PCNX1: variants seen among roughly 807,000 people sequenced by gnomAD.
PCNX1 encodes pecanex 1.
PCNX1 carries 78 observed loss-of-function variants against 242.2 expected under a neutral mutation model. The ratio of observed to expected loss-of-function variants is 0.32; its 90% CI spans 0.27 to 0.39. PCNX1 has a LOEUF of 0.39. Ranked by LOEUF, PCNX1 falls within the 10% of genes least tolerant of loss-of-function variation. The pLI is 1.00. For missense variants in PCNX1, 2,581 were observed against 2,856.5 expected (o/e 0.90, Z 2.20); for synonymous variants, 1,024 against 1,032.9 (o/e 0.99, Z 0.17).
At chr14:71,069,874 T>A (rs192847155) in intron 26 of PCNX1, among the ~76,000 whole-genome samples, 5 of 152,298 alleles carry the variant, frequency 3.3e-5, no homozygotes, top group Admixed American at 3.3e-4. Context: ...ACAATGAAGT[T>A]TGCTACATTT....
intron 6 of PCNX1, among the ~76,000 whole-genome samples, chr14:70,988,080 A>G (rs557159704): frequency 6.6e-6 from 1 of 152,348 alleles, no homozygotes; most frequent in South Asian, 2.1e-4. Flanking sequence ...GGGTACTGTG[A>G]GATAAACTTA....
At chr14:71,016,941 A>G (rs570558535) in intron 11 of PCNX1, among the ~76,000 whole-genome samples, 2 of 152,342 alleles carry the variant, frequency 1.3e-5, no homozygotes, top group South Asian at 4.1e-4. Flanking sequence ...CATCAGTTGT[A>G]TCAATTGATA....
intron 1 of PCNX1, among the ~76,000 whole-genome samples, chr14:70,934,796 G>C (rs539409539): frequency 6.6e-6 from 1 of 152,278 alleles, no homozygotes; most frequent in African/African-American, 2.4e-5. Flanking sequence ...TTGTTTAATA[G>C]ATAGAGGGTT....
chr14:70,911,374 T>C (rs2055899886), intron 1 of PCNX1, among the ~76,000 whole-genome samples: 1 of 151,830 alleles, frequency 6.6e-6, no homozygotes. Flanking sequence ...TTTTGGTGTT[T>C]ATTTAGGAGC....
intron 25 of PCNX1, among the ~76,000 whole-genome samples, chr14:71,057,245 C>A (rs1440133585): frequency 6.6e-6 from 1 of 152,134 alleles, no homozygotes; most frequent in East Asian, 1.9e-4. Context: ...GTCAAAAAGT[C>A]CTTAGATTGC....
chr14:70,983,234 T>C (rs2058893883), intron 6 of PCNX1, among the ~76,000 whole-genome samples: 1 of 152,222 alleles, frequency 6.6e-6, no homozygotes, highest in Admixed American at 6.5e-5. Flanking sequence ...AAGCTATATT[T>C]GTTTGGCTGG....
intron 11 of PCNX1, among the ~76,000 whole-genome samples, chr14:71,014,023 C>G (rs1307355622): frequency 6.6e-6 from 1 of 152,168 alleles, no homozygotes; most frequent in African/African-American, 2.4e-5. Flanking sequence ...TGTGAGGAAA[C>G]TATTTGAGGC....
At chr14:70,914,327 C>T (rs1460331926) in intron 1 of PCNX1, among the ~76,000 whole-genome samples, 2 of 76,132 alleles carry the variant, frequency 2.6e-5, no homozygotes, top group African/African-American at 9.3e-5. Flanking sequence ...CTTGCTGAAT[C>T]TAAAGGAAAA....
intron 3 of PCNX1, among the ~76,000 whole-genome samples, chr14:70,962,535 A>G (rs575596929): frequency 2.0e-5 from 3 of 152,222 alleles, no homozygotes; most frequent in Non-Finnish European, 2.9e-5. Flanking sequence ...GCATTACCAC[A>G]GACTCATCTT....
At chr14:70,926,452 T>C (rs1045427620) in intron 1 of PCNX1, among the ~76,000 whole-genome samples, 2 of 152,200 alleles carry the variant, frequency 1.3e-5, no homozygotes, top group Non-Finnish European at 2.9e-5. Context: ...CTTATGAATA[T>C]GTAAATAGCA....
Position 71,049,415 on chromosome 14 carries a change from A to AG in PCNX1, c.4339-1235dup, listed in dbSNP as rs145960253. ...TTTTTTACATTAAGATATCATTGTA[A>AG]GGTACATCATGGATTTAATAACCTT... On this transcript the variant is annotated intron_variant, in intron 22 of 35. Coordinates refer to ENST00000304743, the MANE Select transcript of PCNX1 (RefSeq NM_014982.3). 9.0e-3 allele frequency among the ~76,000 whole-genome samples: 1,364 copies of AG among 152,262 alleles called. 10 individuals carry two copies. The highest frequency in any genetic ancestry group is 0.012 in the Non-Finnish European group (842 of 67,986).
chr14:70,941,346 A>C (rs2057232970), intron 1 of PCNX1, among the ~76,000 whole-genome samples: 1 of 152,064 alleles, frequency 6.6e-6, no homozygotes, highest in African/African-American at 2.4e-5. Flanking sequence ...TTTTCCTTCT[A>C]ACAGTCAGGA....
chr14:70,907,657 TCTC>T lies in PCNX1; in HGVS notation c.-184_-182del, dbSNP rs904162659. Reference sequence around the variant, plus strand: ...CCGCTCGCCGCCTCCTCCTCTCGGGTCTCCTCCTCCTCGTTTGCTGCCTCCTCC... The same window carrying T: ...CCGCTCGCCGCCTCCTCCTCTCGGGTCTCCTCCTCGTTTGCTGCCTCCTCC... On this transcript the variant is annotated 5_prime_UTR_variant, in exon 1 of 36. Transcript: ENST00000304743. 9.0e-5 allele frequency: 42 copies of T among 469,272 alleles called. No individual in the cohort carries two copies. Among genetic ancestry groups the T allele is most frequent in the Admixed American group, 3.8e-4 (7 of 18,616 alleles). The allele number at this position is 469,272 out of a possible 1,614,324, so 29.1% of individuals were successfully genotyped here.
intron 8 of PCNX1, among the ~76,000 whole-genome samples, chr14:71,002,981 A>T (rs2059547611): frequency 6.6e-6 from 1 of 151,444 alleles, no homozygotes; most frequent in Admixed American, 6.6e-5. Context: ...GATAGTAAGC[A>T]TCTTTTGATG....
chr14:70,942,641 G>A (rs1441880731), intron 1 of PCNX1, among the ~76,000 whole-genome samples: 1 of 152,176 alleles, frequency 6.6e-6, no homozygotes, highest in Admixed American at 6.5e-5. Flanking sequence ...ATGAGGCAAG[G>A]CATGTGGGAA....
At chr14:71,059,142 T>A (rs1186898502) in intron 26 of PCNX1, among the ~76,000 whole-genome samples, 1 of 152,170 alleles carries the variant, frequency 6.6e-6, no homozygotes, top group Non-Finnish European at 1.5e-5. Context: ...GGGGGGTGGT[T>A]CTTCTTACCA....
intron 1 of PCNX1, among the ~76,000 whole-genome samples, chr14:70,926,884 T>G (rs2056614466): frequency 6.6e-6 from 1 of 152,130 alleles, no homozygotes; most frequent in Non-Finnish European, 1.5e-5. Flanking sequence ...AAAGGCTACT[T>G]AGGAGGACAA....
intron 28 of PCNX1, among the ~76,000 whole-genome samples, chr14:71,080,806 A>G (rs2061835355): frequency 6.6e-6 from 1 of 152,174 alleles, no homozygotes; most frequent in Non-Finnish European, 1.5e-5. Flanking sequence ...CAGTCATGTC[A>G]TCTGGAAACA....
At chr14:71,043,579 ATTCT>A (rs149118784) in intron 19 of PCNX1, among the ~76,000 whole-genome samples, 4,492 of 150,978 alleles carry the variant, frequency 0.03, 85 homozygotes, top group Middle Eastern at 0.085. Context: ...AAGTTGAGAA[ATTCT>A]TTCTTCTGCT....
Sources: allele counts gnomAD v4.1 joint callset (sites outside exome capture counted in the v4.1 genomes callset), GRCh38; gene constraint gnomAD v4.1.1; transcripts MANE v1.5; gene names NCBI Gene and HGNC (gene_info 2026-07-23, HGNC 2026-07-21).